The following SRRM4 variants were observed in gnomAD, a reference collection of about 807,000 sequenced individuals.
SRRM4 encodes the protein serine/arginine repetitive matrix 4.
SRRM4 carries 33 observed loss-of-function variants against 68.9 expected under a neutral mutation model. The observed-to-expected ratio is 0.48, with a 90% confidence interval of 0.36 to 0.64. The LOEUF is 0.64. Among genes scored for constraint, SRRM4 ranks in the 30% least tolerant of loss-of-function variants. The probability of loss-of-function intolerance (pLI) is 0.00; values close to 1 mark genes in which losing one functional copy is unlikely to be tolerated. For synonymous variants in SRRM4, 318 were observed against 318.8 expected (o/e 1.00, Z 0.03); for missense variants, 817 against 827.1 (o/e 0.99, Z 0.15).
At chr12:119,132,265 G>C (rs946117607) in intron 8 of SRRM4, 3 of 152,122 alleles carry the variant, frequency 2.0e-5, no homozygotes. Flanking sequence ...TCTTGTTTTG[G>C]CTGGACTTGT....
intron 1 of SRRM4, among the ~76,000 whole-genome samples, chr12:119,038,896 G>A (rs565184582): frequency 7.2e-5 from 11 of 152,292 alleles, no homozygotes; most frequent in African/African-American, 2.4e-4. Flanking sequence ...GGGAGCCAGA[G>A]GGATGCAGTT....
chr12:119,117,935 AC>A (rs1232598180), intron 4 of SRRM4, among the ~76,000 whole-genome samples: 1 of 151,816 alleles, frequency 6.6e-6, no homozygotes, highest in Non-Finnish European at 1.5e-5. Flanking sequence ...AAACAAACAA[AC>A]AAAGGATATA....
At chr12:119,115,569 A>G (rs1954174380) in intron 3 of SRRM4, among the ~76,000 whole-genome samples, 1 of 152,190 alleles carries the variant, frequency 6.6e-6, no homozygotes, top group Non-Finnish European at 1.5e-5. Context: ...CCTTAGCCTC[A>G]TTCTAAAAGG....
chr12:119,117,048 G>C (rs766895478), intron 4 of SRRM4, 40 bp downstream of exon 4: 2 of 1,562,186 alleles, frequency 1.3e-6, no homozygotes, highest in African/African-American at 2.7e-5. Flanking sequence ...CTCCCCAGGT[G>C]GGGTGGGGAG....
chr12:119,057,700 G>A (rs1308285532), intron 1 of SRRM4, among the ~76,000 whole-genome samples: 1 of 152,122 alleles, frequency 6.6e-6, no homozygotes, highest in South Asian at 2.1e-4. Context: ...TACTCCTTTG[G>A]CTATATACCC....
In SRRM4 at chr12:119,158,953, T is replaced by C. The variant is rs867946326; in HGVS notation, c.*2155T>C. 3.3e-5 allele frequency: 5 copies of C among 151,460 alleles called. No homozygotes were observed. The highest frequency in any genetic ancestry group is 6.6e-5 in the Admixed American group (1 of 15,120). 9.4% of individuals were successfully genotyped at this position (151,460 alleles called of 1,614,324 possible). A position where few individuals can be genotyped will look rare whatever the true frequency, so the allele number is the denominator to read the frequency against. ...GCCATTAGCAGTATTGAATTATTTA[T>C]TTATACAGAGGTTTTGTGTGTGTGT... On this transcript the variant is annotated 3_prime_UTR_variant, in exon 13 of 13. Coordinates refer to ENST00000267260, the MANE Select transcript of SRRM4 (RefSeq NM_194286.4).
intron 1 of SRRM4, 63 bp downstream of exon 1, chr12:118,982,076 A>G: frequency 1.3e-6 from 2 of 1,533,020 alleles, no homozygotes; most frequent in Admixed American, 2.0e-5. Context: ...TGTGCCCCAG[A>G]GCCCGGAGGG....
At position 119,087,573 on chromosome 12, in the gene SRRM4, G is replaced by T. The variant is rs575967574; in HGVS notation, c.132-14663G>T. On this transcript the variant is annotated intron_variant, in intron 1 of 12. Coordinates refer to ENST00000267260, the MANE Select transcript of SRRM4 (RefSeq NM_194286.4). ...CCAGAAACGCGCTGGAGGGAATATT[G>T]GTCGATGGGGTGTTTTTTTAGCTGT... is the stretch of plus-strand genomic sequence containing the variant. 5.3e-5 allele frequency among the ~76,000 whole-genome samples: 8 copies of T among 151,748 alleles called. No individual in the cohort carries two copies. The East Asian group carries it at 1.6e-3, about 30-fold the overall frequency.
chr12:119,145,354 G>C, intron 8 of SRRM4, 27 bp from the exon 9 acceptor site: 4 of 1,585,828 alleles, frequency 2.5e-6, no homozygotes, highest in Non-Finnish European at 3.4e-6. Flanking sequence ...GCGCTCAGCA[G>C]TGTCCAACGG....
chr12:119,060,860 G>A (rs1953807355), intron 1 of SRRM4, among the ~76,000 whole-genome samples: 1 of 152,126 alleles, frequency 6.6e-6, no homozygotes, highest in African/African-American at 2.4e-5. Context: ...CTAACTCATA[G>A]TGTGAGATGA....
intron 1 of SRRM4, among the ~76,000 whole-genome samples, chr12:119,049,656 T>A (rs1367057962): frequency 6.6e-6 from 1 of 152,206 alleles, no homozygotes; most frequent in Admixed American, 6.5e-5. Context: ...AGAACTACCA[T>A]GACAAAATGC....
chr12:119,010,654 A>C (rs758090280), intron 1 of SRRM4, among the ~76,000 whole-genome samples: 2 of 152,218 alleles, frequency 1.3e-5, no homozygotes, highest in Non-Finnish European at 2.9e-5. Flanking sequence ...ATTTATCAAA[A>C]ATTTTAAAAA....
chr12:119,156,455 A>G lies in SRRM4; in HGVS notation c.1533-40A>G, dbSNP rs778428455. 4.6e-6 allele frequency: 7 copies of G among 1,533,928 alleles called. No individual in the cohort carries two copies. The Admixed American group carries it at 5.9e-5, about 13-fold the overall frequency. The stretch of plus-strand genomic sequence containing the variant: ...TGGGGCTCGCTGCGGGGAGGCACGG[A>G]GGGGCCGGCCCTCATCCCTCCTCTC... On this transcript the variant is annotated intron_variant, in intron 12 of 12. Coordinates refer to ENST00000267260, the MANE Select transcript of SRRM4 (RefSeq NM_194286.4).
At position 119,160,487 on chromosome 12, in the gene SRRM4, A is replaced by C. The variant is rs1296596386; in HGVS notation, c.*3689A>C. On this transcript the variant is annotated 3_prime_UTR_variant, in exon 13 of 13. Transcript: ENST00000267260. ...ACCTTCTGCTTCCAAGGAATATGACAGATCACCAGGATGCTGCTCGTCGTG... is the reference window on the plus strand; with the variant it reads ...ACCTTCTGCTTCCAAGGAATATGACCGATCACCAGGATGCTGCTCGTCGTG... 3.3e-5 allele frequency: 5 copies of C among 152,144 alleles called. No homozygotes were observed. The highest frequency in any genetic ancestry group is 5.9e-5 in the Non-Finnish European group (4 of 68,032). 9.4% of individuals were successfully genotyped at this position (152,144 alleles called of 1,614,324 possible).
chr12:119,064,318 C>T (rs947642020), intron 1 of SRRM4, among the ~76,000 whole-genome samples: 2 of 152,154 alleles, frequency 1.3e-5, no homozygotes, highest in African/African-American at 2.4e-5. Flanking sequence ...TATTTCAGTG[C>T]TGTTGCCAAT....
At chr12:119,120,182 T>C in intron 4 of SRRM4, 68 bp from the exon 5 acceptor site, 2 of 1,068,924 alleles carry the variant, frequency 1.9e-6, no homozygotes, top group East Asian at 2.8e-5. Flanking sequence ...TCTCTCTCTC[T>C]CCCTCTCTTT....
At chr12:118,988,723 C>T (rs1200071099) in intron 1 of SRRM4, among the ~76,000 whole-genome samples, 1 of 152,138 alleles carries the variant, frequency 6.6e-6, no homozygotes, top group South Asian at 2.1e-4. Context: ...AGTGAATGAA[C>T]ACAGGAACTC....
chr12:119,006,388 C>T (rs1242682616), intron 1 of SRRM4, among the ~76,000 whole-genome samples: 1 of 152,066 alleles, frequency 6.6e-6, no homozygotes, highest in Non-Finnish European at 1.5e-5. Flanking sequence ...GGATTTCCCA[C>T]CATAGAAAAA....
At chr12:119,070,708 G>A (rs1236900492) in intron 1 of SRRM4, among the ~76,000 whole-genome samples, 1 of 152,188 alleles carries the variant, frequency 6.6e-6, no homozygotes, top group Non-Finnish European at 1.5e-5. Context: ...AAGATAGAAT[G>A]GACTAAGAAA....
Sources: gnomAD v4.1 joint callset for allele counts (sites outside exome capture counted in the v4.1 genomes callset) on GRCh38, gnomAD v4.1.1 for gene constraint, MANE v1.5 for transcripts, NCBI Gene and HGNC (gene_info 2026-07-23, HGNC 2026-07-21) for gene names.